Variants in PTPN3 observed in about 807,000 individuals in gnomAD.
PTPN3 encodes protein tyrosine phosphatase non-receptor type 3, also known as tyrosine-protein phosphatase non-receptor type 3.
PTPN3 carries 96 observed loss-of-function variants against 132.7 expected under a neutral mutation model. The observed-to-expected ratio is 0.72, with a 90% CI of 0.61 to 0.86. The LOEUF (loss-of-function observed/expected upper bound fraction) is 0.86, where lower values mean the gene tolerates loss of function less well. Among genes scored for constraint, PTPN3 ranks in the 40% least tolerant of loss-of-function variants. The pLI, the probability that PTPN3 is intolerant of heterozygous loss-of-function variation, is 0.00. For missense variants in PTPN3, 1,125 were observed against 1,159.6 expected (o/e 0.97, Z 0.43); for synonymous variants, 398 against 429.0 (o/e 0.93, Z 0.89).
the PTPN3 span, among the ~76,000 whole-genome samples, chr9:109,527,800 G>A: frequency 6.6e-6 from 1 of 152,064 alleles, no homozygotes; most frequent in African/African-American, 2.4e-5. Context: ...TTCATCAAAA[G>A]GCACAATTAA....
chr9:109,463,556 C>T, intron 1 of PTPN3, 105 bp from the exon 2 acceptor site: 1 of 1,045,580 alleles, frequency 9.6e-7, no homozygotes, highest in Non-Finnish European at 1.4e-6. Context: ...GTCTGACGGA[C>T]TCACAGATAA....
chr9:109,415,099 C>A (rs988547889), intron 14 of PTPN3, among the ~76,000 whole-genome samples: 5 of 151,856 alleles, frequency 3.3e-5, no homozygotes, highest in Non-Finnish European at 4.4e-5. Flanking sequence ...TCCATCCATC[C>A]ATCCATCCAT....
At chr9:109,489,804 C>T (rs992865522) in intron 1 of PTPN3, among the ~76,000 whole-genome samples, 2 of 152,060 alleles carry the variant, frequency 1.3e-5, no homozygotes, top group African/African-American at 4.8e-5. Flanking sequence ...TCACTATCTT[C>T]TCAGGAAGCC....
chr9:109,444,042 C>T (rs1455603334), intron 7 of PTPN3, among the ~76,000 whole-genome samples: 1 of 152,168 alleles, frequency 6.6e-6, no homozygotes, highest in Non-Finnish European at 1.5e-5. Context: ...CCTTCTCTTG[C>T]TATTTTGCCT....
rs561706658 is a variant in PTPN3 at position 109,405,996 on chromosome 9, C to A, written c.1792+466G>T. ...ACTGGTTATGTAACCCCTGCAAGGT[C>A]CCCCAGCCCGCAGAGGCAGAGTGAG... On this transcript the variant is annotated intron_variant, in intron 18 of 25. Transcript: ENST00000374541. 2.6e-5 allele frequency among the ~76,000 whole-genome samples: 4 copies of A among 152,322 alleles called. No homozygotes were observed. In the East Asian group the frequency reaches 7.7e-4, roughly 29 times the overall value.
chr9:109,391,576 G>A lies in PTPN3; in HGVS notation c.1954-15C>T. The A allele has an allele frequency of 6.3e-7, 1 of 1,592,128 alleles. No individual in the cohort carries two copies. The highest frequency in any genetic ancestry group is 8.6e-7 in the Non-Finnish European group (1 of 1,165,576). On this transcript the variant is annotated splice_polypyrimidine_tract_variant and intron_variant, in intron 19 of 25. Transcript: ENST00000374541. ...CTGTAGAGTTGCTATGTGAGAAATAGAGAAAAAAGCAAGCATTGCAAAAAT... is the reference window on the plus strand; with the variant it reads ...CTGTAGAGTTGCTATGTGAGAAATAAAGAAAAAAGCAAGCATTGCAAAAAT...
chr9:109,422,629 T>G, intron 13 of PTPN3, 89 bp downstream of exon 13: 2 of 1,410,412 alleles, frequency 1.4e-6, no homozygotes. Context: ...TCATCTATCT[T>G]TAGGAGTTTA....
At chr9:109,443,905 C>T (rs765401815) in intron 7 of PTPN3, among the ~76,000 whole-genome samples, 12 of 152,184 alleles carry the variant, frequency 7.9e-5, no homozygotes, top group Non-Finnish European at 1.2e-4. Context: ...CTGCCCTCCA[C>T]CTCCTGGTTC....
In PTPN3 at chr9:109,381,769, G is replaced by A. The variant is rs749013475; in HGVS notation, c.2547C>T (p.Thr849=). The A allele has an allele frequency of 2.2e-5, 36 of 1,614,116 alleles. No homozygotes were observed. Among genetic ancestry groups the A allele is most frequent in the African/African-American group, 2.7e-5 (2 of 74,940 alleles). The change falls in exon 25 of 26, where the codon ACC becomes ACT. Residue 849 remains threonine, a synonymous_variant. Coordinates refer to ENST00000374541, the MANE Select transcript of PTPN3 (RefSeq NM_002829.4). ...CTGTTTCCATAGTGACCAACACACC[G>A]GTTCGACCTATTCCAGCACTGGAGA... ...LVHCSAGIGR[T]GVLVTMETAM... is the part of the protein sequence containing the mutation.
At chr9:109,497,165 A>T (rs1237125876) in intron 1 of PTPN3, among the ~76,000 whole-genome samples, 3 of 152,148 alleles carry the variant, frequency 2.0e-5, no homozygotes, top group Non-Finnish European at 2.9e-5. Context: ...CTGGGCACAG[A>T]GACAGGGTCT....
At position 109,417,505 on chromosome 9, in the gene PTPN3, CA is replaced by C. The variant is rs1452066250; in HGVS notation, c.1313+2918del. 10 of 862,626 alleles carry C rather than the reference CA, an allele frequency of 1.2e-5. No individual in the cohort carries two copies. In the African/African-American group the frequency reaches 1.8e-4, roughly 16 times the overall value. 53.4% of individuals were successfully genotyped at this position (862,626 alleles called of 1,614,324 possible). Reference sequence around the variant, plus strand: ...TGTCAAATATTTTGTAAACATTTTGCAAATACTCACAGAAACTAACCAACAG... The same window carrying C: ...TGTCAAATATTTTGTAAACATTTTGCAATACTCACAGAAACTAACCAACAG... On this transcript the variant is annotated intron_variant, in intron 14 of 25. Transcript: ENST00000374541.
chr9:109,448,803 C>T lies in PTPN3; in HGVS notation c.413+8G>A, dbSNP rs767140064. ...AACAGGAAAAGAAAAATGTAAAATT[C>T]TCATTACCTTCCTTCGCAAATATCC... On this transcript the variant is annotated splice_region_variant and intron_variant, in intron 6 of 25. Coordinates refer to ENST00000374541, the MANE Select transcript of PTPN3 (RefSeq NM_002829.4). 1 of 1,591,518 alleles carries T rather than the reference C, an allele frequency of 6.3e-7. No individual in the cohort carries two copies. The highest frequency in any genetic ancestry group is 8.5e-7 in the Non-Finnish European group (1 of 1,173,182).
At chr9:109,530,983 G>A in the PTPN3 span, among the ~76,000 whole-genome samples, 7 of 152,230 alleles carry the variant, frequency 4.6e-5, no homozygotes, top group Admixed American at 4.6e-4. Flanking sequence ...TATCAGATAT[G>A]TGATTTGCAG....
At chr9:109,433,208 T>C (rs1375817863) in intron 9 of PTPN3, 47 bp from the exon 10 acceptor site, 1 of 1,609,438 alleles carries the variant, frequency 6.2e-7, no homozygotes, top group Admixed American at 1.7e-5. Flanking sequence ...CAGTCATGCT[T>C]ATGCCCTCTG....
chr9:109,381,805 G>A lies in PTPN3; in HGVS notation c.2529-18C>T. The A allele has an allele frequency of 6.2e-7, 1 of 1,614,174 alleles. No individual in the cohort carries two copies. The highest frequency in any genetic ancestry group is 1.7e-4 in the Middle Eastern group (1 of 6,050). On this transcript the variant is annotated intron_variant, in intron 24 of 25. Transcript: ENST00000374541. ...TTCCAGCACTGGAGAGGGGAGAGAA[G>A]ACAGACTTGGGATTTGTCTGAGTAG...
At chr9:109,423,619 T>A (rs1843034638) in intron 12 of PTPN3, among the ~76,000 whole-genome samples, 1 of 152,068 alleles carries the variant, frequency 6.6e-6, no homozygotes, top group African/African-American at 2.4e-5. Flanking sequence ...AAACAAAAAA[T>A]TATACAGAGT....
chr9:109,487,352 C>T (rs944359), intron 1 of PTPN3, among the ~76,000 whole-genome samples: 53,858 of 152,128 alleles, frequency 0.35, 10,139 homozygotes, highest in East Asian at 0.62. Context: ...CCCCCCTGGC[C>T]GCAAAGCGCA....
chr9:109,392,601 G>C (rs1399994740), intron 19 of PTPN3: 1 of 152,004 alleles, frequency 6.6e-6, no homozygotes, highest in Admixed American at 6.6e-5. Context: ...CAACATACTG[G>C]CACTTTTTTT....
the PTPN3 span, among the ~76,000 whole-genome samples, chr9:109,503,898 G>C: frequency 2.1e-3 from 323 of 152,216 alleles, no homozygotes; most frequent in African/African-American, 7.5e-3. Flanking sequence ...CTAAGTGCTT[G>C]GGAGACATCT....
Sources: gnomAD v4.1 joint callset for allele counts (sites outside exome capture counted in the v4.1 genomes callset) on GRCh38, gnomAD v4.1.1 for gene constraint, MANE v1.5 for transcripts, NCBI Gene and HGNC (gene_info 2026-07-23, HGNC 2026-07-21) for gene names.